SOCS7: variants seen among roughly 807,000 people sequenced by gnomAD.
The protein encoded by SOCS7 is suppressor of cytokine signaling 7.
SOCS7 carries 18 observed loss-of-function variants against 58.9 expected under a neutral mutation model. The observed-to-expected ratio is 0.31, with a 90% CI of 0.21 to 0.45. The LOEUF (loss-of-function observed/expected upper bound fraction) is 0.45. SOCS7 is among the 20% of genes least tolerant of loss of function. The pLI is 1.00. For synonymous variants in SOCS7, 388 were observed against 364.3 expected, an observed-to-expected ratio of 1.06 and a Z score of -0.74; for missense variants, 667 against 837.3, an observed-to-expected ratio of 0.80 and a Z score of 2.51.
intron 6 of SOCS7, among the ~76,000 whole-genome samples, chr17:38,369,418 C>T (rs1037547930): frequency 3.9e-5 from 6 of 152,128 alleles, no homozygotes; most frequent in African/African-American, 1.4e-4. Context: ...AAAGGAACTT[C>T]AATCCAATGA....
At chr17:38,359,619 A>C (rs1820962249) in intron 1 of SOCS7, among the ~76,000 whole-genome samples, 1 of 152,104 alleles carries the variant, frequency 6.6e-6, no homozygotes, top group African/African-American at 2.4e-5. Context: ...TATAGTTGAA[A>C]AGAGTTTAAG....
intron 7 of SOCS7, among the ~76,000 whole-genome samples, chr17:38,387,437 T>G (rs2038088398): frequency 6.9e-6 from 1 of 144,522 alleles, no homozygotes; most frequent in African/African-American, 2.6e-5. Flanking sequence ...ACAGAGAGAC[T>G]CTGTCTCAAA....
Position 38,352,623 on chromosome 17 carries a change from C to G in SOCS7, c.571C>G (p.Leu191Val). 2 of 1,550,108 alleles carry G rather than the reference C, an allele frequency of 1.3e-6. No individual in the cohort carries two copies. The highest frequency in any genetic ancestry group is 1.7e-6 in the Non-Finnish European group (2 of 1,146,862). ...GGGCTTGGAATCGGAGGCCGAGAGC[C>G]TGGAGACTAACAGCTGCTCGGAAGA... is the stretch of plus-strand genomic sequence containing the variant. ...LEGLESEAES[L>V]ETNSCSEEEL... Residue 191 changes from leucine to valine, a missense_variant, in exon 1 of 10, where the codon CTG becomes GTG. This residue lies in a region of SOCS7 where 208 missense variants were observed against 190.3 expected (regional missense o/e 1.09). Transcript: ENST00000612932. This position sits in a 1 kb window ranked among gnomAD's most constrained non-coding sequence, Gnocchi z 5.5.
intron 7 of SOCS7, among the ~76,000 whole-genome samples, chr17:38,391,016 A>C (rs2144395602): frequency 6.6e-6 from 1 of 152,102 alleles, no homozygotes; most frequent in Admixed American, 6.6e-5. Context: ...TCATAATATA[A>C]GTTTTGTATT....
rs1250211878 is a variant in SOCS7 at position 38,354,721 on chromosome 17, C to T, written c.980+1689C>T. 4.6e-5 allele frequency among the ~76,000 whole-genome samples: 7 copies of T among 152,024 alleles called. No individual in the cohort carries two copies. In the East Asian group the frequency reaches 5.8e-4, roughly 13 times the overall value. ...AATTTTCATCAGATGCAGGGGAGGGCGGGATTAAAGCTATGGGTAATGACA... is the reference window on the plus strand; with the variant it reads ...AATTTTCATCAGATGCAGGGGAGGGTGGGATTAAAGCTATGGGTAATGACA... On this transcript the variant is annotated intron_variant, in intron 1 of 9. Coordinates refer to ENST00000612932, the MANE Select transcript of SOCS7 (RefSeq NM_014598.4).
Position 38,402,937 on chromosome 17 carries a change from G to C in SOCS7, c.*3455G>C, listed in dbSNP as rs1691242828. On this transcript the variant is annotated 3_prime_UTR_variant, in exon 10 of 10. Transcript: ENST00000612932. Reference sequence around the variant, plus strand: ...CTGCTGTGAGCCAGTGACAACTACTGCTACAACTTGCTGTTACTTGAAATT... The same window carrying C: ...CTGCTGTGAGCCAGTGACAACTACTCCTACAACTTGCTGTTACTTGAAATT... 1 of 152,166 alleles carries C rather than the reference G, an allele frequency of 6.6e-6. No individual in the cohort carries two copies. Among genetic ancestry groups the C allele is most frequent in the South Asian group, 2.1e-4 (1 of 4,822 alleles). The allele number at this position is 152,166 out of a possible 1,614,324, so 9.4% of individuals were successfully genotyped here.
At chr17:38,362,352 C>T (rs1312868009) in intron 2 of SOCS7, among the ~76,000 whole-genome samples, 1 of 152,168 alleles carries the variant, frequency 6.6e-6, no homozygotes. Context: ...TGTAGAATCT[C>T]CTTTGGATGA....
At chr17:38,372,771 A>G (rs2037883975) in intron 6 of SOCS7, among the ~76,000 whole-genome samples, 1 of 152,174 alleles carries the variant, frequency 6.6e-6, no homozygotes, top group African/African-American at 2.4e-5. Context: ...GTGGTTGTTC[A>G]CCATTTCAAG....
chr17:38,372,331 C>T (rs2037878320), intron 6 of SOCS7, among the ~76,000 whole-genome samples: 1 of 152,148 alleles, frequency 6.6e-6, no homozygotes, highest in Non-Finnish European at 1.5e-5. Flanking sequence ...TGCACACAAA[C>T]CGTACATGGC....
intron 7 of SOCS7, among the ~76,000 whole-genome samples, chr17:38,385,214 G>A (rs1204707855): frequency 6.6e-6 from 1 of 151,586 alleles, no homozygotes; most frequent in African/African-American, 2.4e-5. Flanking sequence ...TTTTTAATTT[G>A]TAGTTTTCTT....
At chr17:38,371,758 T>TTTTTG (rs1364028675) in intron 6 of SOCS7, among the ~76,000 whole-genome samples, 3 of 148,756 alleles carry the variant, frequency 2.0e-5, no homozygotes, top group African/African-American at 7.4e-5. Flanking sequence ...TTTTGTGTTT[T>TTTTTG]TTTTTTTTTT....
At chr17:38,353,316 T>G (rs1417939800) in intron 1 of SOCS7, among the ~76,000 whole-genome samples, 1 of 152,192 alleles carries the variant, frequency 6.6e-6, no homozygotes, top group Non-Finnish European at 1.5e-5. Context: ...GGCATGGCTT[T>G]TTAAGTTTTT....
chr17:38,402,285 T>C lies in SOCS7; in HGVS notation c.*2803T>C, dbSNP rs1322583403. On this transcript the variant is annotated 3_prime_UTR_variant, in exon 10 of 10. Coordinates refer to ENST00000612932, the MANE Select transcript of SOCS7 (RefSeq NM_014598.4). The stretch of plus-strand genomic sequence containing the variant: ...CTTGCACAGAGCAGTTAGGGGAAGA[T>C]GAGGGGGAGGCATGGGGCTGGGCCA... 1 of 152,352 alleles carries C rather than the reference T, an allele frequency of 6.6e-6. No individual in the cohort carries two copies. The allele number at this position is 152,352 out of a possible 1,614,324, so 9.4% of individuals were successfully genotyped here. A position where few individuals can be genotyped will look rare whatever the true frequency, so the allele number is the denominator to read the frequency against.
chr17:38,366,207 CCT>C (rs1335250487), intron 4 of SOCS7, 78 bp from the exon 5 acceptor site: 1 of 1,558,124 alleles, frequency 6.4e-7, no homozygotes, highest in Non-Finnish European at 8.7e-7. Context: ...CAGTTAGCAT[CCT>C]CTGTTTTTGG....
In SOCS7 at chr17:38,400,242, A is replaced by T. The variant is rs1233703666; in HGVS notation, c.*760A>T. Reference sequence around the variant, plus strand: ...CCTTAAGTTCCATGACCTGAAGTTAACCCCGTTCTTCCTCTGCTCTCAACC... The same window carrying T: ...CCTTAAGTTCCATGACCTGAAGTTATCCCCGTTCTTCCTCTGCTCTCAACC... On this transcript the variant is annotated 3_prime_UTR_variant, in exon 10 of 10. Transcript: ENST00000612932. 1.3e-5 allele frequency: 2 copies of T among 152,008 alleles called. No homozygotes were observed. The highest frequency in any genetic ancestry group is 1.3e-4 in the Admixed American group (2 of 15,256). 9.4% of individuals were successfully genotyped at this position (152,008 alleles called of 1,614,324 possible).
chr17:38,368,295 G>T (rs902410711), intron 6 of SOCS7, among the ~76,000 whole-genome samples: 3 of 152,136 alleles, frequency 2.0e-5, no homozygotes, highest in African/African-American at 7.2e-5. Flanking sequence ...CTAAATAGGA[G>T]GGCCTGAACA....
chr17:38,365,947 G>C (rs969513058), intron 4 of SOCS7: 1 of 1,064,488 alleles, frequency 9.4e-7, no homozygotes, highest in Non-Finnish European at 1.1e-6. Context: ...TATTTCCAAG[G>C]CTGCCTTATC....
At chr17:38,398,888 T>C (rs746255661) in intron 9 of SOCS7, among the ~76,000 whole-genome samples, 39 of 152,030 alleles carry the variant, frequency 2.6e-4, no homozygotes, top group East Asian at 1.4e-3. Context: ...GTCAGGAGTT[T>C]GAGACCAGCC....
chr17:38,366,333 C>T lies in SOCS7; in HGVS notation c.1299C>T (p.His433=), dbSNP rs2037789397. Residue 433 remains histidine, a synonymous_variant, in exon 5 of 10, where the codon CAC becomes CAT. Transcript: ENST00000612932. ...IAPIRAAESL[H]SQPPQHLQCP... is the part of the protein sequence containing the mutation. Reference sequence around the variant, plus strand: ...CCATCCGAGCAGCTGAATCCCTGCACAGCCAACCCCCACAGCACCTCCAGT... The same window carrying T: ...CCATCCGAGCAGCTGAATCCCTGCATAGCCAACCCCCACAGCACCTCCAGT... 2 of 1,614,206 alleles carry T rather than the reference C, an allele frequency of 1.2e-6. No homozygotes were observed. Among genetic ancestry groups the T allele is most frequent in the African/African-American group, 1.3e-5 (1 of 75,038 alleles).
Sources: gnomAD v4.1 joint callset for allele counts (sites outside exome capture counted in the v4.1 genomes callset) on GRCh38, gnomAD v4.1.1 for gene constraint, gnomAD v4.1.1 regional missense constraint, Gnocchi (gnomAD v3.1) non-coding constraint, MANE v1.5 for transcripts, NCBI Gene and HGNC (gene_info 2026-07-23, HGNC 2026-07-21) for gene names.